LHFPL3: variants seen among roughly 807,000 people sequenced by gnomAD.
LHFPL3 encodes the protein LHFPL tetraspan subfamily member 3, also known as LHFPL tetraspan subfamily member 3 protein.
In LHFPL3, 5 loss-of-function variants were observed where a neutral mutation model predicts 19.3. The ratio of observed to expected loss-of-function variants is 0.26; its 90% CI spans 0.14 to 0.54. LHFPL3 has a LOEUF of 0.54. Ranked by LOEUF, LHFPL3 falls within the 20% of genes least tolerant of loss-of-function variation. The probability of loss-of-function intolerance (pLI) is 0.94; values close to 1 mark genes in which losing one functional copy is unlikely to be tolerated. For missense variants in LHFPL3, 249 were observed against 307.4 expected, an observed-to-expected ratio of 0.81 and a Z score of 1.42; for synonymous variants, 133 against 126.2, an observed-to-expected ratio of 1.05 and a Z score of -0.36.
chr7:104,449,389 G>A (rs1792388194), intron 1 of LHFPL3, among the ~76,000 whole-genome samples: 1 of 152,116 alleles, frequency 6.6e-6, no homozygotes, highest in South Asian at 2.1e-4. Flanking sequence ...ATTGAGTACA[G>A]GTGTGGCAAT....
At chr7:104,815,652 TCTAA>T (rs1271788638) in intron 2 of LHFPL3, among the ~76,000 whole-genome samples, 2 of 152,184 alleles carry the variant, frequency 1.3e-5, no homozygotes, top group African/African-American at 4.8e-5. Context: ...GTTCAGAGGT[TCTAA>T]CTAAATGCCA....
intron 1 of LHFPL3, among the ~76,000 whole-genome samples, chr7:104,380,115 A>G (rs113929395): frequency 5.9e-5 from 9 of 152,340 alleles, no homozygotes; most frequent in African/African-American, 1.9e-4. Context: ...ACTTACTGCT[A>G]TGTGACCTTG....
intron 1 of LHFPL3, among the ~76,000 whole-genome samples, chr7:104,570,432 G>T (rs1286767542): frequency 6.6e-6 from 1 of 152,182 alleles, no homozygotes; most frequent in African/African-American, 2.4e-5. Context: ...TGACACTATT[G>T]TCTACTAACC....
intron 2 of LHFPL3, among the ~76,000 whole-genome samples, chr7:104,767,335 C>T (rs970011897): frequency 5.9e-5 from 9 of 152,174 alleles, no homozygotes; most frequent in Non-Finnish European, 2.9e-5. Flanking sequence ...ATCTGCAAAC[C>T]CAGAGGTGCC....
rs755471226 is a variant in LHFPL3 at position 104,857,083 on chromosome 7, AG to A, written c.683-49103del. 1.8e-4 allele frequency among the ~76,000 whole-genome samples: 28 copies of A among 152,326 alleles called. 1 individual carries two copies. In the East Asian group the frequency reaches 3.7e-3, roughly 20 times the overall value. Reference sequence around the variant, plus strand: ...ATTTCACCCGCGTGATAACTTATGAAGTAGGTACAGGCAGATTGTTCCCATT... The same window carrying A: ...ATTTCACCCGCGTGATAACTTATGAATAGGTACAGGCAGATTGTTCCCATT... On this transcript the variant is annotated intron_variant, in intron 2 of 2. Transcript: ENST00000424859.
intron 2 of LHFPL3, among the ~76,000 whole-genome samples, chr7:104,774,223 TC>T (rs1179547216): frequency 6.6e-6 from 1 of 152,222 alleles, no homozygotes; most frequent in Admixed American, 6.5e-5. Flanking sequence ...TCTTTTCTCT[TC>T]CTTCTCTTAC....
chr7:104,466,189 G>C (rs1459827419), intron 1 of LHFPL3, among the ~76,000 whole-genome samples: 1 of 152,158 alleles, frequency 6.6e-6, no homozygotes, highest in Non-Finnish European at 1.5e-5. Flanking sequence ...TTACATATCT[G>C]AAAATTTATA....
At chr7:104,520,459 C>T (rs1249966447) in intron 1 of LHFPL3, among the ~76,000 whole-genome samples, 1 of 147,318 alleles carries the variant, frequency 6.8e-6, no homozygotes, top group Non-Finnish European at 1.5e-5. Context: ...ATGCTGGCCT[C>T]GTAAAATGAG....
chr7:104,397,674 C>T (rs571277002), intron 1 of LHFPL3, among the ~76,000 whole-genome samples: 1 of 152,278 alleles, frequency 6.6e-6, no homozygotes, highest in Non-Finnish European at 1.5e-5. Context: ...CAGCAGCCCG[C>T]TTCTTCAGCA....
At chr7:104,857,923 A>G (rs1478324225) in intron 2 of LHFPL3, among the ~76,000 whole-genome samples, 2 of 152,228 alleles carry the variant, frequency 1.3e-5, no homozygotes, top group African/African-American at 4.8e-5. Context: ...GTTTGCAATC[A>G]TTACTACACA....
chr7:104,863,488 T>C (rs2116640869), intron 2 of LHFPL3, among the ~76,000 whole-genome samples: 1 of 152,348 alleles, frequency 6.6e-6, no homozygotes, highest in East Asian at 1.9e-4. Flanking sequence ...ATCTCTTCAC[T>C]TGGGATCTGC....
chr7:104,868,183 C>G (rs1202610078), intron 2 of LHFPL3, among the ~76,000 whole-genome samples: 3 of 152,104 alleles, frequency 2.0e-5, no homozygotes, highest in Non-Finnish European at 4.4e-5. Context: ...CAGGGATGCC[C>G]TCTCTCACCA....
chr7:104,693,570 A>G (rs1584483703), intron 1 of LHFPL3, among the ~76,000 whole-genome samples: 1 of 152,170 alleles, frequency 6.6e-6, no homozygotes, highest in South Asian at 2.1e-4. Context: ...AAGGGCTTCC[A>G]CCTTCTTTCA....
intron 1 of LHFPL3, among the ~76,000 whole-genome samples, chr7:104,559,711 C>G (rs554215804): frequency 7.9e-5 from 12 of 152,210 alleles, no homozygotes; most frequent in African/African-American, 2.9e-4. Context: ...GAACTTCCAA[C>G]ACTATGTTGA....
Position 104,460,373 on chromosome 7 carries a change from G to A in LHFPL3, c.445+131149G>A, listed in dbSNP as rs116693041. Among the ~76,000 whole-genome samples, 552 of 152,256 alleles carry A rather than the reference G, an allele frequency of 3.6e-3. 5 individuals are homozygous for A. The highest frequency in any genetic ancestry group is 0.013 in the African/African-American group (527 of 41,552). ...TCCTTTGGGTATATATTCAGTAAAG[G>A]GATTGCTGGGTCAAGTAGTAGTTCT... On this transcript the variant is annotated intron_variant, in intron 1 of 2. Coordinates refer to ENST00000424859, the MANE Select transcript of LHFPL3 (RefSeq NM_199000.3).
intron 1 of LHFPL3, among the ~76,000 whole-genome samples, chr7:104,520,373 A>T (rs1434007323): frequency 1.4e-5 from 2 of 146,274 alleles, no homozygotes; most frequent in Non-Finnish European, 3.0e-5. Context: ...GGATTTTTGC[A>T]TCAATGTTCA....
chr7:104,825,981 G>A (rs939638071), intron 2 of LHFPL3, among the ~76,000 whole-genome samples: 3 of 151,802 alleles, frequency 2.0e-5, no homozygotes, highest in Non-Finnish European at 4.4e-5. Context: ...ACACATTGCC[G>A]CCCCCAACAA....
chr7:104,851,655 ATTC>A (rs1469337952), intron 2 of LHFPL3, among the ~76,000 whole-genome samples: 3 of 152,174 alleles, frequency 2.0e-5, no homozygotes, highest in African/African-American at 7.2e-5. Flanking sequence ...TCCAGAAGAG[ATTC>A]TTCTTCTGTA....
intron 1 of LHFPL3, among the ~76,000 whole-genome samples, chr7:104,649,381 C>A (rs1439767692): frequency 1.3e-5 from 2 of 152,188 alleles, no homozygotes; most frequent in African/African-American, 4.8e-5. Context: ...GAGGAGGTGG[C>A]ATGAACCTCT....
Sources: gnomAD v4.1 joint callset for allele counts (sites outside exome capture counted in the v4.1 genomes callset) on GRCh38, gnomAD v4.1.1 for gene constraint, MANE v1.5 for transcripts, NCBI Gene and HGNC (gene_info 2026-07-23, HGNC 2026-07-21) for gene names.